The following STXBP4 variants were observed in gnomAD, a reference collection of about 807,000 sequenced individuals.
The protein encoded by STXBP4 is syntaxin-binding protein 4.
In STXBP4, 55 loss-of-function variants were observed where a neutral mutation model predicts 76.1. The observed-to-expected ratio is 0.72, with a 90% CI of 0.58 to 0.91. The LOEUF is 0.91. STXBP4 is among the 40% of genes least tolerant of loss of function. STXBP4 has a pLI of 0.00. For missense variants in STXBP4, 618 were observed against 636.9 expected (o/e 0.97, Z 0.32); for synonymous variants, 201 against 220.2 (o/e 0.91, Z 0.77).
chr17:55,024,765 G>C (rs2144646416), intron 8 of STXBP4, among the ~76,000 whole-genome samples: 1 of 152,260 alleles, frequency 6.6e-6, no homozygotes, highest in African/African-American at 2.4e-5. Flanking sequence ...ATCATTATAT[G>C]AGGAATACTA....
At chr17:55,102,066 A>G (rs879371155) in intron 16 of STXBP4, among the ~76,000 whole-genome samples, 3 of 151,404 alleles carry the variant, frequency 2.0e-5, no homozygotes, top group Non-Finnish European at 4.4e-5. Context: ...CAGTTTTAGC[A>G]TTATTTATTC....
At chr17:55,125,479 C>CAAAAAAAAAAAAAAAAAAAA (rs10632680) in intron 16 of STXBP4, among the ~76,000 whole-genome samples, 31 of 91,712 alleles carry the variant, frequency 3.4e-4, no homozygotes, top group Non-Finnish European at 5.3e-4. Context: ...GGACAAAATA[C>CAAAAAAAAAAAAAAAAAAAA]AAAAAAAAAA....
At chr17:55,188,389 A>G in the STXBP4 span, among the ~76,000 whole-genome samples, 3 of 152,190 alleles carry the variant, frequency 2.0e-5, no homozygotes. Flanking sequence ...CAGCATTTAA[A>G]AGAACCCATG....
chr17:55,053,539 G>A (rs570045145), intron 12 of STXBP4, among the ~76,000 whole-genome samples: 1 of 152,180 alleles, frequency 6.6e-6, no homozygotes, highest in South Asian at 2.1e-4. Context: ...TGAACCTGGG[G>A]AATTAGGTAA....
At chr17:55,104,748 G>A (rs1369360284) in intron 16 of STXBP4, among the ~76,000 whole-genome samples, 1 of 152,076 alleles carries the variant, frequency 6.6e-6, no homozygotes. Context: ...CTGTGAATCT[G>A]TCTGGTTCTG....
At chr17:55,065,364 A>C (rs749386406) in intron 12 of STXBP4, among the ~76,000 whole-genome samples, 1 of 152,228 alleles carries the variant, frequency 6.6e-6, no homozygotes. Context: ...CCTCCAAAAC[A>C]AAATTTGATG....
intron 8 of STXBP4, among the ~76,000 whole-genome samples, chr17:55,019,872 G>T (rs2078275992): frequency 6.6e-6 from 1 of 152,032 alleles, no homozygotes; most frequent in Non-Finnish European, 1.5e-5. Flanking sequence ...TTGCTGTTTT[G>T]AGAACTCAGC....
At chr17:55,142,559 C>T (rs1450626157) in intron 17 of STXBP4, among the ~76,000 whole-genome samples, 1 of 151,984 alleles carries the variant, frequency 6.6e-6, no homozygotes, top group Non-Finnish European at 1.5e-5. Context: ...AAGTACCTAG[C>T]ATAGAACTTG....
chr17:55,206,377 G>C, the STXBP4 span, among the ~76,000 whole-genome samples: 2 of 152,066 alleles, frequency 1.3e-5, no homozygotes, highest in Non-Finnish European at 2.9e-5. Flanking sequence ...AAGAAATCCA[G>C]CCAGTAAAAT....
Position 55,164,295 on chromosome 17 carries a change from T to C in STXBP4, c.*4384T>C, listed in dbSNP as rs1236259784. 1 of 152,242 alleles carries C rather than the reference T, an allele frequency of 6.6e-6. No homozygotes were observed. The highest frequency in any genetic ancestry group is 6.5e-5 in the Admixed American group (1 of 15,290). 9.4% of individuals were successfully genotyped at this position (152,242 alleles called of 1,614,324 possible). ...TTAACATTTAAACTTATACTGTTTC[T>C]GTCTACTTTTTTCAAAAGTTCAATT... On this transcript the variant is annotated 3_prime_UTR_variant, in exon 18 of 18. Coordinates refer to ENST00000376352, the MANE Select transcript of STXBP4 (RefSeq NM_178509.6).
rs1003243982 is a variant in STXBP4, at chr17:55,170,542, T to C, written c.*10631T>C. ...CCTTTATAAGAAAAAATGCTAATGA[T>C]TTATTGTGTATGAAAAAAGTGTATC... On this transcript the variant is annotated 3_prime_UTR_variant, in exon 18 of 18. Coordinates refer to ENST00000376352, the MANE Select transcript of STXBP4 (RefSeq NM_178509.6). The C allele has an allele frequency of 6.6e-6, 1 of 152,194 alleles. No homozygotes were observed. Among genetic ancestry groups the C allele is most frequent in the Admixed American group, 6.5e-5 (1 of 15,278 alleles). 9.4% of individuals were successfully genotyped at this position (152,194 alleles called of 1,614,324 possible). A position where few individuals can be genotyped will look rare whatever the true frequency, so the allele number is the denominator to read the frequency against.
In STXBP4 at chr17:55,166,005, A is replaced by C. The variant is rs532641026; in HGVS notation, c.*6094A>C. ...TGTTATAGCAGCTCCTGAATGGACTAAGACAGCCCACAGAGTTTAGCAGTG... is the reference window on the plus strand; with the variant it reads ...TGTTATAGCAGCTCCTGAATGGACTCAGACAGCCCACAGAGTTTAGCAGTG... On this transcript the variant is annotated 3_prime_UTR_variant, in exon 18 of 18. Transcript: ENST00000376352. The C allele has an allele frequency of 3.2e-4, 49 of 152,344 alleles. No homozygotes were observed. Among genetic ancestry groups the C allele is most frequent in the African/African-American group, 1.1e-3 (47 of 41,586 alleles). The allele number at this position is 152,344 out of a possible 1,614,324, so 9.4% of individuals were successfully genotyped here.
At chr17:54,968,949 T>G (rs1019026540) in intron 1 of STXBP4, 134 bp downstream of exon 1, 12 of 323,986 alleles carry the variant, frequency 3.7e-5, no homozygotes, top group Non-Finnish European at 7.0e-5. Flanking sequence ...CCTGTGATCT[T>G]TATTTAAACT....
intron 16 of STXBP4, among the ~76,000 whole-genome samples, chr17:55,131,675 AT>A (rs1013555284): frequency 6.6e-6 from 1 of 152,094 alleles, no homozygotes; most frequent in Non-Finnish European, 1.5e-5. Context: ...GAGAAGGTGC[AT>A]TTTTTTCCCA....
In STXBP4 at chr17:55,000,785, A is replaced by G. The variant is rs768532722; in HGVS notation, c.499-23A>G. On this transcript the variant is annotated intron_variant, in intron 6 of 17. Transcript: ENST00000376352. ...GACCTACTTTAGTAAATGACATTGCATGTTCCTCATTTTCTTTCACAGATA... is the reference window on the plus strand; with the variant it reads ...GACCTACTTTAGTAAATGACATTGCGTGTTCCTCATTTTCTTTCACAGATA... 17 of 1,502,224 alleles carry G rather than the reference A, an allele frequency of 1.1e-5. 1 individual carries two copies. In the South Asian group the frequency reaches 1.9e-4, roughly 17 times the overall value. The allele number at this position is 1,502,224 out of a possible 1,614,324, so 93.1% of individuals were successfully genotyped here. A position where few individuals can be genotyped will look rare whatever the true frequency, so the allele number is the denominator to read the frequency against.
chr17:55,114,526 T>C (rs905078699), intron 16 of STXBP4, among the ~76,000 whole-genome samples: 3 of 152,074 alleles, frequency 2.0e-5, no homozygotes, highest in Admixed American at 6.6e-5. Flanking sequence ...TACAACTGTG[T>C]GTGCTATGTG....
At chr17:55,081,432 G>T (rs1240600323) in intron 16 of STXBP4, among the ~76,000 whole-genome samples, 1 of 152,134 alleles carries the variant, frequency 6.6e-6, no homozygotes, top group African/African-American at 2.4e-5. Flanking sequence ...CAGAATAAAT[G>T]TAAAAATCAA....
At chr17:55,148,306 G>A (rs1232998744) in intron 17 of STXBP4, among the ~76,000 whole-genome samples, 1 of 152,174 alleles carries the variant, frequency 6.6e-6, no homozygotes, top group African/African-American at 2.4e-5. Context: ...GTTACATTGT[G>A]TCATCTCATT....
At position 54,976,497 on chromosome 17, in the gene STXBP4, A is replaced by T. The variant is rs538268632; in HGVS notation, c.-157+7682A>T. On this transcript the variant is annotated intron_variant, in intron 1 of 17. Transcript: ENST00000376352. ...TCAAGAAACTGAAACTTACCAGATC[A>T]TTGCATCTGGACAATATGATACCAG... Among the ~76,000 whole-genome samples the T allele has an allele frequency of 2.0e-5, 3 of 152,322 alleles. No individual in the cohort carries two copies. In the South Asian group the frequency reaches 6.2e-4, roughly 32 times the overall value.
Sources: gnomAD v4.1 joint callset for allele counts (sites outside exome capture counted in the v4.1 genomes callset) on GRCh38, gnomAD v4.1.1 for gene constraint, MANE v1.5 for transcripts, NCBI Gene and HGNC (gene_info 2026-07-23, HGNC 2026-07-21) for gene names.